YWHAQ: variants seen among roughly 807,000 people sequenced by gnomAD.
The protein encoded by YWHAQ is tyrosine 3-monooxygenase/tryptophan 5-monooxygenase activation protein theta.
A neutral mutation model predicts 28.3 loss-of-function variants in YWHAQ; 6 were observed. That is an observed-to-expected ratio of 0.21 (90% CI 0.12 to 0.42). The LOEUF (loss-of-function observed/expected upper bound fraction) is 0.42, where lower values mean the gene tolerates loss of function less well. Ranked by LOEUF, YWHAQ falls within the 10% of genes least tolerant of loss-of-function variation. The pLI, the probability that YWHAQ is intolerant of heterozygous loss-of-function variation, is 1.00. For missense variants in YWHAQ, 201 were observed against 305.6 expected, an observed-to-expected ratio of 0.66 and a Z score of 2.55; for synonymous variants, 143 against 119.1, an observed-to-expected ratio of 1.20 and a Z score of -1.31.
rs534866909 is a variant in YWHAQ, at chr2:9,617,143, T to C, written c.294+13016A>G. Among the ~76,000 whole-genome samples the C allele has an allele frequency of 3.5e-4, 53 of 151,206 alleles. 1 individual carries two copies. The East Asian group carries it at 5.8e-3, about 17-fold the overall frequency. The stretch of plus-strand genomic sequence containing the variant: ...GCCCGGCTAATTTTTTTTTTTTTTT[T>C]AGTAGAGACGGGGTTTCACCATGTT... On this transcript the variant is annotated intron_variant, in intron 2 of 5. Transcript: ENST00000238081.
At position 9,585,289 on chromosome 2, in the gene YWHAQ, G is replaced by A. The variant is rs148399453; in HGVS notation, c.735C>T (p.Asn245=). ...AAGGATGACACCCTGTATGGATTTA[G>A]TTTTCAGCCCCTTCTGCCGCATCAC... The part of the protein sequence containing the change: ...EECDAAEGAE[N] Residue 245 remains asparagine, a synonymous_variant, in exon 6 of 6, where the codon AAC becomes AAT. Coordinates refer to ENST00000238081, the MANE Select transcript of YWHAQ (RefSeq NM_006826.4). 7 of 1,614,008 alleles carry A rather than the reference G, an allele frequency of 4.3e-6. No individual in the cohort carries two copies. The highest frequency in any genetic ancestry group is 5.9e-6 in the Non-Finnish European group (7 of 1,180,002).
At chr2:9,608,815 C>A (rs942383308) in intron 2 of YWHAQ, among the ~76,000 whole-genome samples, 9 of 152,188 alleles carry the variant, frequency 5.9e-5, no homozygotes, top group Non-Finnish European at 1.2e-4. Flanking sequence ...TGGCGGGTGC[C>A]TGTAATCCCA....
intron 2 of YWHAQ, among the ~76,000 whole-genome samples, chr2:9,624,655 G>A (rs1284026795): frequency 1.3e-5 from 2 of 152,060 alleles, no homozygotes; most frequent in Non-Finnish European, 2.9e-5. Context: ...GTCTCCAGAT[G>A]TTGCCAAAAT....
At chr2:9,604,889 T>C (rs1393106543) in intron 2 of YWHAQ, among the ~76,000 whole-genome samples, 1 of 152,028 alleles carries the variant, frequency 6.6e-6, no homozygotes, top group African/African-American at 2.4e-5. Flanking sequence ...GTTTTCTCAG[T>C]TATTTTTCAT....
At chr2:9,604,384 A>G (rs190581916) in intron 2 of YWHAQ, among the ~76,000 whole-genome samples, 9 of 152,326 alleles carry the variant, frequency 5.9e-5, no homozygotes, top group South Asian at 2.1e-4. Flanking sequence ...AAAGACACCA[A>G]TATTTCACAG....
chr2:9,585,509 TC>T (rs1357826767), intron 5 of YWHAQ, among the ~76,000 whole-genome samples, 164 bp from the exon 6 acceptor site: 1 of 152,140 alleles, frequency 6.6e-6, no homozygotes, highest in Non-Finnish European at 1.5e-5. Context: ...ACCATCACCT[TC>T]CCAAAGTACA....
intron 2 of YWHAQ, among the ~76,000 whole-genome samples, chr2:9,626,870 C>CT (rs1244026416): frequency 6.6e-6 from 1 of 152,216 alleles, no homozygotes; most frequent in African/African-American, 2.4e-5. Flanking sequence ...TCAATCTGGA[C>CT]TTTAAAAACT....
chr2:9,590,358 A>G (rs1666432124), intron 3 of YWHAQ, among the ~76,000 whole-genome samples: 1 of 152,228 alleles, frequency 6.6e-6, no homozygotes, highest in African/African-American at 2.4e-5. Context: ...ATAGCAAGGT[A>G]TAACAGTTTC....
At chr2:9,591,999 C>T (rs1300429414) in intron 2 of YWHAQ, among the ~76,000 whole-genome samples, 1 of 152,190 alleles carries the variant, frequency 6.6e-6, no homozygotes, top group Non-Finnish European at 1.5e-5. Flanking sequence ...CCAGTTAAGA[C>T]AGGCTTCCCA....
At chr2:9,611,262 T>C (rs996700267) in intron 2 of YWHAQ, among the ~76,000 whole-genome samples, 8 of 152,202 alleles carry the variant, frequency 5.3e-5, no homozygotes, top group African/African-American at 1.9e-4. Context: ...TTCTCTGTCA[T>C]ACCACACTTA....
intron 2 of YWHAQ, among the ~76,000 whole-genome samples, chr2:9,629,392 T>C (rs10495570): frequency 0.076 from 11,559 of 152,212 alleles, 814 homozygotes; most frequent in African/African-American, 0.18. Flanking sequence ...CTCTCACTAA[T>C]AAGGGTGAAT....
At chr2:9,602,847 AAAAAAAAAAAAAAAAATATATATATATAT>A (rs1260918788) in intron 2 of YWHAQ, among the ~76,000 whole-genome samples, 140 of 23,716 alleles carry the variant, frequency 5.9e-3, no homozygotes, top group Non-Finnish European at 8.9e-3. Flanking sequence ...AAAAAAAAAA[AAAAAAAAAAAAAAAAATATATATATATAT>A]ATATATATAT....
chr2:9,605,616 A>C (rs1666808972), intron 2 of YWHAQ, among the ~76,000 whole-genome samples: 1 of 151,992 alleles, frequency 6.6e-6, no homozygotes, highest in South Asian at 2.1e-4. Flanking sequence ...GCTGGAGTGC[A>C]GTGGTGCGAT....
intron 2 of YWHAQ, among the ~76,000 whole-genome samples, chr2:9,621,551 T>C (rs1259425429): frequency 6.6e-6 from 1 of 152,172 alleles, no homozygotes; most frequent in African/African-American, 2.4e-5. Flanking sequence ...ACCCATACAT[T>C]TCTAGCAGTT....
chr2:9,622,429 G>C (rs1054050154), intron 2 of YWHAQ, among the ~76,000 whole-genome samples: 2 of 152,142 alleles, frequency 1.3e-5, no homozygotes, highest in Admixed American at 6.5e-5. Flanking sequence ...ATGCTGAATA[G>C]TATTCCATTT....
chr2:9,623,265 G>C lies in YWHAQ; in HGVS notation c.294+6894C>G, dbSNP rs576438653. The stretch of plus-strand genomic sequence containing the variant: ...TTAAAAACTTGCTTGTGCTGGAAAG[G>C]GTTAGGGGAAATGAATGACCTTCTC... On this transcript the variant is annotated intron_variant, in intron 2 of 5. Coordinates refer to ENST00000238081, the MANE Select transcript of YWHAQ (RefSeq NM_006826.4). Among the ~76,000 whole-genome samples, 13 of 152,314 alleles carry C rather than the reference G, an allele frequency of 8.5e-5. 1 individual carries two copies. In the East Asian group the frequency reaches 2.3e-3, roughly 27 times the overall value.
chr2:9,602,858 AAAAAATATAT>A (rs1666736657), intron 2 of YWHAQ, among the ~76,000 whole-genome samples: 1 of 11,966 alleles, frequency 8.4e-5, no homozygotes, highest in South Asian at 4.2e-3. Context: ...AAAAAAAAAA[AAAAAATATAT>A]ATATATATAT....
intron 2 of YWHAQ, among the ~76,000 whole-genome samples, chr2:9,628,435 A>G (rs17362902): frequency 0.16 from 23,738 of 152,250 alleles, 2,310 homozygotes; most frequent in Middle Eastern, 0.24. Context: ...AGCAGAATTT[A>G]TAAGAGCCAC....
intron 2 of YWHAQ, among the ~76,000 whole-genome samples, chr2:9,613,614 C>A (rs180837149): frequency 6.6e-6 from 1 of 152,206 alleles, no homozygotes; most frequent in African/African-American, 2.4e-5. Context: ...AGCATTATCT[C>A]CATGACCCAA....
Sources: allele counts gnomAD v4.1 joint callset (sites outside exome capture counted in the v4.1 genomes callset), GRCh38; gene constraint gnomAD v4.1.1; transcripts MANE v1.5; gene names NCBI Gene and HGNC (gene_info 2026-07-23, HGNC 2026-07-21).